CORIN: variants seen among roughly 807,000 people sequenced by gnomAD.
CORIN encodes the protein corin, serine peptidase.
Under a neutral mutation model 125.3 loss-of-function variants are expected in CORIN, and 117 were observed. The observed-to-expected ratio is 0.93, with a 90% CI of 0.80 to 1.09. The LOEUF (loss-of-function observed/expected upper bound fraction) is 1.09. CORIN is among the 50% of genes least tolerant of loss of function. The probability of loss-of-function intolerance (pLI) is 0.00; values close to 1 mark genes in which losing one functional copy is unlikely to be tolerated. For synonymous variants in CORIN, 450 were observed against 466.4 expected (o/e 0.96, Z 0.45); for missense variants, 1,253 against 1,306.7 (o/e 0.96, Z 0.63).
chr4:47,690,747 A>C (rs1725730964), intron 6 of CORIN, among the ~76,000 whole-genome samples: 1 of 152,184 alleles, frequency 6.6e-6, no homozygotes, highest in South Asian at 2.1e-4. Context: ...TCTGATTCAC[A>C]TCCAAGGCCT....
At chr4:47,738,792 T>A (rs1373812141) in intron 5 of CORIN, among the ~76,000 whole-genome samples, 3 of 152,022 alleles carry the variant, frequency 2.0e-5, no homozygotes, top group Non-Finnish European at 2.9e-5. Flanking sequence ...TTCAAAGAAC[T>A]AAGGAACACA....
chr4:47,789,951 G>A (rs1310372898), intron 2 of CORIN, among the ~76,000 whole-genome samples: 18 of 152,198 alleles, frequency 1.2e-4, no homozygotes, highest in Admixed American at 1.2e-3. Context: ...GAACCCGGGA[G>A]GTGGAGGTTG....
intron 6 of CORIN, among the ~76,000 whole-genome samples, chr4:47,687,126 A>G (rs1217119656): frequency 6.6e-6 from 1 of 152,216 alleles, no homozygotes; most frequent in Admixed American, 6.5e-5. Flanking sequence ...GCTTGGTTAG[A>G]AGCCATTTTT....
chr4:47,673,149 A>G (rs1164179828), intron 10 of CORIN, among the ~76,000 whole-genome samples: 1 of 151,854 alleles, frequency 6.6e-6, no homozygotes, highest in South Asian at 2.1e-4. Flanking sequence ...GACCTGCCTG[A>G]CCAACATGGT....
chr4:47,689,664 G>A (rs1725680057), intron 6 of CORIN, among the ~76,000 whole-genome samples: 1 of 152,196 alleles, frequency 6.6e-6, no homozygotes, highest in Admixed American at 6.5e-5. Context: ...CTAAGCACTT[G>A]CTATGTCCTA....
intron 5 of CORIN, among the ~76,000 whole-genome samples, chr4:47,702,683 T>C (rs1726358463): frequency 1.3e-5 from 2 of 152,200 alleles, no homozygotes; most frequent in African/African-American, 4.8e-5. Flanking sequence ...ATAAATTGCC[T>C]ATGACTTTAC....
intron 13 of CORIN, among the ~76,000 whole-genome samples, chr4:47,651,680 G>A (rs946417071): frequency 6.6e-6 from 1 of 152,080 alleles, no homozygotes; most frequent in African/African-American, 2.4e-5. Context: ...GCTCTCAATA[G>A]TGCTGTCAAT....
At chr4:47,705,572 T>C (rs1162254216) in intron 5 of CORIN, among the ~76,000 whole-genome samples, 1 of 152,226 alleles carries the variant, frequency 6.6e-6, no homozygotes, top group African/African-American at 2.4e-5. Flanking sequence ...GATTTCCTAA[T>C]AGTCAAAACT....
intron 10 of CORIN, among the ~76,000 whole-genome samples, chr4:47,669,553 C>CTATATATATATA (rs67123208): frequency 9.7e-5 from 14 of 144,574 alleles, no homozygotes; most frequent in African/African-American, 3.6e-4. Flanking sequence ...CCTTGCTCTT[C>CTATATATATATA]TATATATATA....
chr4:47,712,314 G>A (rs868145634), intron 5 of CORIN, among the ~76,000 whole-genome samples: 2 of 152,114 alleles, frequency 1.3e-5, no homozygotes, highest in Non-Finnish European at 2.9e-5. Context: ...ACAGGATCAT[G>A]CTCTGTAGCC....
At chr4:47,645,339 G>C in intron 13 of CORIN, 145 bp from the exon 14 acceptor site, 1 of 523,992 alleles carries the variant, frequency 1.9e-6, no homozygotes, top group South Asian at 2.2e-5. Context: ...ACTTTGGGAG[G>C]CTGAGGTGGG....
intron 3 of CORIN, among the ~76,000 whole-genome samples, chr4:47,781,670 C>T (rs184386535): frequency 3.2e-4 from 48 of 152,280 alleles, no homozygotes; most frequent in African/African-American, 1.0e-3. Context: ...AAATCAACAA[C>T]GGTGGCTGGG....
At chr4:47,768,484 C>T (rs1442769295) in intron 3 of CORIN, among the ~76,000 whole-genome samples, 2 of 152,176 alleles carry the variant, frequency 1.3e-5, no homozygotes, top group African/African-American at 4.8e-5. Flanking sequence ...ACAAAGCCAG[C>T]ATTGCCCTGA....
intron 2 of CORIN, among the ~76,000 whole-genome samples, chr4:47,798,765 C>T (rs1048911453): frequency 3.3e-5 from 5 of 152,054 alleles, no homozygotes; most frequent in African/African-American, 1.2e-4. Flanking sequence ...TTATGTGATG[C>T]TGAGGATTGG....
At chr4:47,635,308 CAT>C (rs10563973) in intron 16 of CORIN, among the ~76,000 whole-genome samples, 20,828 of 152,012 alleles carry the variant, frequency 0.14, 1,896 homozygotes, top group East Asian at 0.47. Context: ...AAATTACAAA[CAT>C]GTAAAAAACT....
intron 16 of CORIN, among the ~76,000 whole-genome samples, 193 bp downstream of exon 16, chr4:47,641,727 C>T (rs535315734): frequency 4.1e-4 from 62 of 152,318 alleles, no homozygotes; most frequent in African/African-American, 1.3e-3. Context: ...CATCAAAGTA[C>T]ATTTCCAGCA....
chr4:47,652,308 G>A (rs926055016), intron 13 of CORIN, among the ~76,000 whole-genome samples: 1 of 152,124 alleles, frequency 6.6e-6, no homozygotes, highest in Non-Finnish European at 1.5e-5. Context: ...GATTTCAGTT[G>A]ATTGCTTGTG....
intron 10 of CORIN, among the ~76,000 whole-genome samples, chr4:47,670,554 A>G (rs1415190339): frequency 1.3e-5 from 2 of 152,308 alleles, no homozygotes; most frequent in East Asian, 1.9e-4. Flanking sequence ...TTGGTGTTGA[A>G]TAAGAGGGGA....
intron 5 of CORIN, among the ~76,000 whole-genome samples, chr4:47,742,757 A>T (rs1451924438): frequency 3.9e-5 from 6 of 152,120 alleles, no homozygotes; most frequent in Admixed American, 3.9e-4. Context: ...TTACATAGTG[A>T]TTTTAAAATT....
Sources: allele counts gnomAD v4.1 joint callset (sites outside exome capture counted in the v4.1 genomes callset), GRCh38; gene constraint gnomAD v4.1.1; transcripts MANE v1.5; gene names NCBI Gene and HGNC (gene_info 2026-07-23, HGNC 2026-07-21).